Variants in SHROOM4 observed in about 807,000 individuals in gnomAD.
SHROOM4 encodes shroom family member 4, also known as protein Shroom4.
In SHROOM4, 17 loss-of-function variants were observed where a neutral mutation model predicts 80.3. The observed-to-expected ratio is 0.21, with a 90% CI of 0.14 to 0.32. The LOEUF (loss-of-function observed/expected upper bound fraction) is 0.32, where lower values mean the gene tolerates loss of function less well. SHROOM4 is among the 10% of genes least tolerant of loss of function. SHROOM4 has a pLI of 1.00. For synonymous variants in SHROOM4, 400 were observed against 437.5 expected, an observed-to-expected ratio of 0.91 and a Z score of 1.07; for missense variants, 993 against 1,140.3, an observed-to-expected ratio of 0.87 and a Z score of 1.86.
intron 2 of SHROOM4, among the ~76,000 whole-genome samples, chrX:50,677,892 TTC>T (rs1212709548): frequency 9.0e-6 from 1 of 111,528 alleles, no homozygotes; most frequent in Admixed American, 9.5e-5. Flanking sequence ...CCATTCTACA[TTC>T]TGTTATCTGC....
At chrX:50,743,132 T>C (rs868988390) in intron 1 of SHROOM4, among the ~76,000 whole-genome samples, 1 of 90,289 alleles carries the variant, frequency 1.1e-5, no homozygotes, top group Admixed American at 1.3e-4. Context: ...TGTGTGTGTG[T>C]GTGCACTTTA....
At chrX:50,755,284 T>A (rs187935105) in intron 1 of SHROOM4, among the ~76,000 whole-genome samples, 1 of 111,708 alleles carries the variant, frequency 9.0e-6, no homozygotes, top group African/African-American at 3.2e-5. Context: ...TGCTACAAAT[T>A]AGGTTTTACT....
intron 1 of SHROOM4, among the ~76,000 whole-genome samples, chrX:50,797,559 G>C (rs782328228): frequency 1.8e-5 from 2 of 111,982 alleles, no homozygotes; most frequent in African/African-American, 6.5e-5. Flanking sequence ...GGACAGATGA[G>C]AGACAAGGAT....
At chrX:50,776,501 G>T (rs1276864451) in intron 1 of SHROOM4, among the ~76,000 whole-genome samples, 2 of 110,184 alleles carry the variant, frequency 1.8e-5, no homozygotes, top group Admixed American at 1.9e-4. Context: ...TGAATAACTT[G>T]CACAGGGTCG....
intron 1 of SHROOM4, among the ~76,000 whole-genome samples, chrX:50,789,453 A>G (rs1244498367): frequency 1.8e-5 from 2 of 112,005 alleles, no homozygotes; most frequent in African/African-American, 3.2e-5. Flanking sequence ...TTTGAGATAA[A>G]TGAAAAACAA....
chrX:50,811,602 G>A (rs1212375953), intron 1 of SHROOM4, among the ~76,000 whole-genome samples: 1 of 111,399 alleles, frequency 9.0e-6, no homozygotes, highest in African/African-American at 3.3e-5. Flanking sequence ...ATAAAATCAA[G>A]GTTGAAAAAT....
intron 2 of SHROOM4, among the ~76,000 whole-genome samples, chrX:50,660,978 CT>C: frequency 9.1e-6 from 1 of 110,267 alleles, no homozygotes; most frequent in South Asian, 3.9e-4. Context: ...TGTTCAGGTT[CT>C]TTTTTCCTTT....
intron 1 of SHROOM4, among the ~76,000 whole-genome samples, chrX:50,770,523 G>A (rs1935374483): frequency 8.9e-6 from 1 of 112,234 alleles, no homozygotes; most frequent in South Asian, 3.7e-4. Context: ...TCAGGAAACA[G>A]TTTGAGGATC....
intron 2 of SHROOM4, among the ~76,000 whole-genome samples, chrX:50,682,679 T>C (rs781938402): frequency 1.8e-5 from 2 of 111,766 alleles, no homozygotes; most frequent in African/African-American, 3.3e-5. Context: ...GAGTGTTGAA[T>C]AAGAGTTAGC....
intron 2 of SHROOM4, among the ~76,000 whole-genome samples, chrX:50,647,478 G>A (rs1931882793): frequency 9.0e-6 from 1 of 111,622 alleles, no homozygotes; most frequent in Non-Finnish European, 1.9e-5. Context: ...TAAAGGTTTT[G>A]CCATGATGCC....
intron 1 of SHROOM4, among the ~76,000 whole-genome samples, chrX:50,810,401 A>G (rs1376096577): frequency 9.1e-6 from 1 of 110,446 alleles, no homozygotes; most frequent in Non-Finnish European, 1.9e-5. Context: ...AGATATCTCC[A>G]CTTGTGCCAC....
chrX:50,596,810 T>C lies in SHROOM4; in HGVS notation c.4367A>G (p.Lys1456Arg). 8.3e-7 allele frequency: 1 copy of C among 1,211,493 alleles called. No homozygotes were observed. The highest frequency in any genetic ancestry group is 1.1e-6 in the Non-Finnish European group (1 of 895,123). The stretch of plus-strand genomic sequence containing the variant: ...TTCAATGATGAGAGCAGATTTCATC[T>C]TGACAAAGTGCTGGTAATCTTGGAG... ...DQLQDYQHFV[K>R]MKSALIIEQR... Residue 1456 changes from lysine (K) to arginine (R), a missense_variant, in exon 9 of 9, where the codon AAG becomes AGG. Lys to Arg is a conservative substitution (Grantham distance 26, BLOSUM62 2). Coordinates refer to ENST00000376020, the MANE Select transcript of SHROOM4 (RefSeq NM_020717.5).
intron 6 of SHROOM4, among the ~76,000 whole-genome samples, chrX:50,605,767 C>T (rs1194528701): frequency 2.7e-5 from 3 of 112,414 alleles, no homozygotes; most frequent in Admixed American, 9.4e-5. Flanking sequence ...TAGTTAGTTT[C>T]CTCATCTGTC....
intron 1 of SHROOM4, among the ~76,000 whole-genome samples, chrX:50,772,364 C>T (rs1176840763): frequency 1.8e-5 from 2 of 110,737 alleles, no homozygotes; most frequent in Non-Finnish European, 3.8e-5. Context: ...AATACTGTCC[C>T]CATATTAGAG....
chrX:50,650,945 A>T (rs782089890), intron 2 of SHROOM4, among the ~76,000 whole-genome samples: 25 of 111,700 alleles, frequency 2.2e-4, no homozygotes, highest in Non-Finnish European at 4.1e-4. Context: ...TTTTACCCTT[A>T]ATATTAGCAC....
chrX:50,782,932 G>T lies in SHROOM4; in HGVS notation c.117+30970C>A, dbSNP rs182724290. Among the ~76,000 whole-genome samples the T allele has an allele frequency of 2.1e-3, 236 of 111,807 alleles. 3 individuals carry two copies. The highest frequency in any genetic ancestry group is 6.8e-3 in the African/African-American group (209 of 30,839). On this transcript the variant is annotated intron_variant, in intron 1 of 8. Transcript: ENST00000376020. ...CAAGATGAATGAGTTCTAGAGTTCT[G>T]CTGTTCAACATTGTGCCCATAAATA...
rs782748237 is a variant in SHROOM4 at position 50,781,934 on chromosome X, C to A, written c.117+31968G>T. ...TTTAAAACAAATAAAATGGGCCGAG[C>A]GTAGCGGCTCATACCTGTAATCCCA... On this transcript the variant is annotated intron_variant, in intron 1 of 8. Coordinates refer to ENST00000376020, the MANE Select transcript of SHROOM4 (RefSeq NM_020717.5). Among the ~76,000 whole-genome samples the A allele has an allele frequency of 8.1e-5, 9 of 111,494 alleles. No individual in the cohort carries two copies. In the East Asian group the frequency reaches 1.7e-3, roughly 21 times the overall value.
chrX:50,765,347 G>A, intron 1 of SHROOM4, among the ~76,000 whole-genome samples: 1 of 111,882 alleles, frequency 8.9e-6, no homozygotes, highest in Non-Finnish European at 1.9e-5. Context: ...TTAATTTTCG[G>A]TCTCATGCAT....
chrX:50,635,586 C>T lies in SHROOM4; in HGVS notation c.487G>A (p.Glu163Lys), dbSNP rs1557255932. 1 of 1,209,715 alleles carries T rather than the reference C, an allele frequency of 8.3e-7. No individual in the cohort carries two copies. Among genetic ancestry groups the T allele is most frequent in the Admixed American group, 2.2e-5 (1 of 45,828 alleles). ...SSSIGSMESL[E>K]QPGQATYESH... ...TCATAGGTGGCTTGGCCTGGTTGCT[C>T]CAGGCTCTCCATGCTGCCAATGGAG... Residue 163 changes from glutamate (E) to lysine (K), a missense_variant, in exon 4 of 9, where the codon GAG becomes AAG. Glu to Lys is a moderately conservative substitution (Grantham distance 56). Coordinates refer to ENST00000376020, the MANE Select transcript of SHROOM4 (RefSeq NM_020717.5).
Sources: allele counts gnomAD v4.1 joint callset (sites outside exome capture counted in the v4.1 genomes callset), GRCh38; gene constraint gnomAD v4.1.1; transcripts MANE v1.5; gene names NCBI Gene and HGNC (gene_info 2026-07-23, HGNC 2026-07-21).